TMEM204: variants seen among roughly 807,000 people sequenced by gnomAD.
TMEM204 encodes claudin-like protein 24.
Under a neutral mutation model 19.4 loss-of-function variants are expected in TMEM204, and 15 were observed. The observed-to-expected ratio is 0.77, with a 90% CI of 0.52 to 1.19. The LOEUF (loss-of-function observed/expected upper bound fraction) is 1.19. TMEM204 is among the 50% of genes most tolerant of loss of function. The pLI is 0.00. For missense variants in TMEM204, 287 were observed against 321.2 expected, an observed-to-expected ratio of 0.89 and a Z score of 0.81; for synonymous variants, 161 against 146.0, an observed-to-expected ratio of 1.10 and a Z score of -0.74.
chr16:1,535,493 G>A (rs968064019), intron 1 of TMEM204, among the ~76,000 whole-genome samples: 2 of 152,174 alleles, frequency 1.3e-5, no homozygotes, highest in African/African-American at 4.8e-5. Context: ...GGGGTTGGAC[G>A]CTCCTTCTGC....
At chr16:1,540,246 G>A (rs2031503241) in intron 1 of TMEM204, among the ~76,000 whole-genome samples, 1 of 152,238 alleles carries the variant, frequency 6.6e-6, no homozygotes, top group South Asian at 2.1e-4. Context: ...GAGCTTTGAG[G>A]TTATTCTGTG....
intron 1 of TMEM204, 33 bp downstream of exon 1, chr16:1,534,588 G>C: frequency 6.3e-7 from 1 of 1,598,612 alleles, no homozygotes; most frequent in Non-Finnish European, 8.5e-7. Context: ...TGCCTTCAGC[G>C]TGGCCGAGGC....
chr16:1,540,426 G>A (rs938320125), intron 1 of TMEM204, among the ~76,000 whole-genome samples: 4 of 152,220 alleles, frequency 2.6e-5, no homozygotes, highest in Non-Finnish European at 4.4e-5. Context: ...CCCCGTGCAC[G>A]CGTGAACCTC....
Position 1,551,364 on chromosome 16 carries a change from A to C in TMEM204, c.437-3418A>C, listed in dbSNP as rs2032622076. Among the ~76,000 whole-genome samples, 1 of 152,094 alleles carries C rather than the reference A, an allele frequency of 6.6e-6. No individual in the cohort carries two copies. Among genetic ancestry groups the C allele is most frequent in the Non-Finnish European group, 1.5e-5 (1 of 68,000 alleles). ...GGGCCCCTCCTCCCCAGGGCCAGTC[A>C]AGCCGGGGACAGTGGCACGAGGAGA... On this transcript the variant is annotated intron_variant, in intron 2 of 2. Coordinates refer to ENST00000566264, the MANE Select transcript of TMEM204 (RefSeq NM_024600.6). The surrounding 1 kb of genome is among the most constrained non-coding windows in gnomAD (Gnocchi z 4.0).
At chr16:1,549,593 G>A (rs964837118) in intron 2 of TMEM204, among the ~76,000 whole-genome samples, 15 of 152,224 alleles carry the variant, frequency 9.9e-5, no homozygotes, top group Admixed American at 6.5e-5. Flanking sequence ...CACCACGCCC[G>A]GCTAATTTTT....
chr16:1,554,116 C>T (rs963536261), intron 2 of TMEM204: 55 of 1,287,004 alleles, frequency 4.3e-5, no homozygotes, highest in Middle Eastern at 3.2e-4. Flanking sequence ...AGCACTGACT[C>T]GGAAGTGAGG....
At chr16:1,547,879 G>T (rs971529526) in intron 2 of TMEM204, among the ~76,000 whole-genome samples, 4 of 152,088 alleles carry the variant, frequency 2.6e-5, no homozygotes, top group African/African-American at 9.7e-5. Context: ...GTCTTGCCAC[G>T]TTGCCCAGGC....
rs118073880 is a variant in TMEM204 at position 1,534,248 on chromosome 16, C to T, written c.-28C>T. The stretch of plus-strand genomic sequence containing the variant: ...CCGCGGACTGGGACTTGGCTTTCTC[C>T]GGATAAGCGGCGGCACCGGCGTCAG... On this transcript the variant is annotated 5_prime_UTR_variant, in exon 1 of 3. Coordinates refer to ENST00000566264, the MANE Select transcript of TMEM204 (RefSeq NM_024600.6). The T allele has an allele frequency of 0.016, 26,174 of 1,606,412 alleles. 272 individuals carry two copies. The highest frequency in any genetic ancestry group is 0.02 in the Non-Finnish European group (23,385 of 1,178,986).
chr16:1,539,004 C>T (rs549141396), intron 1 of TMEM204, among the ~76,000 whole-genome samples: 35 of 148,990 alleles, frequency 2.3e-4, no homozygotes, highest in African/African-American at 8.0e-4. Context: ...CACGGTGCCA[C>T]GCGGCCCCCC....
chr16:1,540,286 G>T (rs1475790198), intron 1 of TMEM204, among the ~76,000 whole-genome samples: 1 of 152,246 alleles, frequency 6.6e-6, no homozygotes, highest in Non-Finnish European at 1.5e-5. Flanking sequence ...TAAATGTTGA[G>T]GTTGAACCGT....
intron 2 of TMEM204, among the ~76,000 whole-genome samples, chr16:1,543,594 C>T (rs1185140635): frequency 1.3e-5 from 2 of 152,246 alleles, no homozygotes; most frequent in Non-Finnish European, 1.5e-5. Flanking sequence ...TAACGTGAGC[C>T]TCTGCATGCC....
rs573730728 is a variant in TMEM204, at chr16:1,548,685, A to T, written c.437-6097A>T. The stretch of plus-strand genomic sequence containing the variant: ...AACTCAAAGGTTTAGGGCCAGCCCC[A>T]GCCCTGTCTCCTTCCACCCCTTCCC... On this transcript the variant is annotated intron_variant, in intron 2 of 2. Transcript: ENST00000566264. Among the ~76,000 whole-genome samples, 159 of 152,352 alleles carry T rather than the reference A, an allele frequency of 1.0e-3. 1 individual carries two copies. The highest frequency in any genetic ancestry group is 2.0e-3 in the Non-Finnish European group (138 of 68,022).
intron 1 of TMEM204, 115 bp from the exon 2 acceptor site, chr16:1,541,806 C>A: frequency 1.6e-6 from 2 of 1,281,328 alleles, no homozygotes; most frequent in Non-Finnish European, 2.1e-6. Flanking sequence ...GGAGGCACAG[C>A]CTGTGCCGAC....
At position 1,534,313 on chromosome 16, in the gene TMEM204, T is replaced by C. The variant is rs201425887; in HGVS notation, c.38T>C (p.Val13Ala). ...VQRLVAAAVL[V>A]ALVSLILNNV... ...AGACTCGTGGCCGCGGCCGTGCTGG[T>C]GGCCCTGGTCTCACTCATCCTCAAC... is the stretch of plus-strand genomic sequence containing the variant. Residue 13 changes from valine to alanine, a missense_variant, in exon 1 of 3, where the codon GTG becomes GCG. Val to Ala is a moderately conservative substitution (Grantham distance 64). Transcript: ENST00000566264. The C allele has an allele frequency of 2.5e-6, 4 of 1,612,606 alleles. No individual in the cohort carries two copies. The highest frequency in any genetic ancestry group is 3.4e-6 in the Non-Finnish European group (4 of 1,179,856).
At chr16:1,552,945 G>A (rs934637512) in intron 2 of TMEM204, 1 of 984,368 alleles carries the variant, frequency 1.0e-6, no homozygotes, top group Non-Finnish European at 1.2e-6. Flanking sequence ...AAACCACTGT[G>A]CCTTGTCTAG....
chr16:1,548,832 T>C (rs1023353786), intron 2 of TMEM204, among the ~76,000 whole-genome samples: 1 of 152,206 alleles, frequency 6.6e-6, no homozygotes, highest in Non-Finnish European at 1.5e-5. Flanking sequence ...GAGGCCAAGG[T>C]TAGAGCAGCA....
chr16:1,536,857 C>A (rs1224571310), intron 1 of TMEM204, among the ~76,000 whole-genome samples: 2 of 152,364 alleles, frequency 1.3e-5, no homozygotes, highest in Admixed American at 1.3e-4. Context: ...TTCGCTGCCC[C>A]CACTCACGTG....
At chr16:1,549,240 A>C (rs1198975567) in intron 2 of TMEM204, among the ~76,000 whole-genome samples, 1 of 152,230 alleles carries the variant, frequency 6.6e-6, no homozygotes, top group Non-Finnish European at 1.5e-5. Context: ...GCTGCTCTCC[A>C]CACAGAAGTC....
chr16:1,550,415 G>T (rs758853499), intron 2 of TMEM204, among the ~76,000 whole-genome samples: 1 of 152,214 alleles, frequency 6.6e-6, no homozygotes, highest in Non-Finnish European at 1.5e-5. Flanking sequence ...CTATGACACT[G>T]ATCTTAAGAA....
Sources: gnomAD v4.1 joint callset for allele counts (sites outside exome capture counted in the v4.1 genomes callset) on GRCh38, gnomAD v4.1.1 for gene constraint, Gnocchi (gnomAD v3.1) non-coding constraint, MANE v1.5 for transcripts, NCBI Gene and HGNC (gene_info 2026-07-23, HGNC 2026-07-21) for gene names.